Variants in PCDHGA2 observed in about 807,000 individuals in gnomAD.
PCDHGA2 encodes the protein protocadherin gamma-A2.
A neutral mutation model predicts 59.2 loss-of-function variants in PCDHGA2; 40 were observed. That is an observed-to-expected ratio of 0.68 (90% CI 0.52 to 0.88). The LOEUF (loss-of-function observed/expected upper bound fraction) is 0.88. PCDHGA2 is among the 40% of genes least tolerant of loss of function. The pLI is 0.00. For synonymous variants in PCDHGA2, 560 were observed against 526.0 expected, an observed-to-expected ratio of 1.06 and a Z score of -0.89; for missense variants, 1,226 against 1,204.0, an observed-to-expected ratio of 1.02 and a Z score of -0.27.
At chr5:141,351,150 T>G (rs781775496) in intron 1 of PCDHGA2, 3 of 1,614,020 alleles carry the variant, frequency 1.9e-6, no homozygotes, top group Non-Finnish European at 2.5e-6. Context: ...ACTGGCGACA[T>G]CACAACCAAT....
At position 141,356,713 on chromosome 5, in the gene PCDHGA2, G is replaced by A. The variant is rs746566965; in HGVS notation, c.2424+15318G>A. On this transcript the variant is annotated intron_variant, in intron 1 of 3. Transcript: ENST00000394576. ...CCAGGGTGCACCTCTGTCCTCCTAT[G>A]TCTCCATCAACTCCAATACAGGGAT... 3 of 1,613,846 alleles carry A rather than the reference G, an allele frequency of 1.9e-6. No individual in the cohort carries two copies. The African/African-American group carries it at 4.0e-5, about 22-fold the overall frequency.
chr5:141,411,868 A>AG (rs1463496640), intron 1 of PCDHGA2: 1 of 152,224 alleles, frequency 6.6e-6, no homozygotes, highest in East Asian at 1.9e-4. Flanking sequence ...TCAAAAAAAA[A>AG]AGACATTTCT....
chr5:141,431,408 G>T lies in PCDHGA2; in HGVS notation c.2425-63399G>T, dbSNP rs1270461546. On this transcript the variant is annotated intron_variant, in intron 1 of 3. Coordinates refer to ENST00000394576, the MANE Select transcript of PCDHGA2 (RefSeq NM_018915.4). The surrounding 1 kb of genome is among the most constrained non-coding windows in gnomAD (Gnocchi z 4.8). ...CCACCTGGTCCTTACGGCCTCCGAC[G>T]GGGGCGACCCGGTGCGCACAGGCAC... 4 of 1,613,600 alleles carry T rather than the reference G, an allele frequency of 2.5e-6. No individual in the cohort carries two copies. Among genetic ancestry groups the T allele is most frequent in the Non-Finnish European group, 3.4e-6 (4 of 1,180,038 alleles).
At chr5:141,352,289 C>G in intron 1 of PCDHGA2, 1 of 1,614,082 alleles carries the variant, frequency 6.2e-7, no homozygotes, top group Non-Finnish European at 8.5e-7. Context: ...CCGCCCTGAG[C>G]CCTCTGACCC....
At chr5:141,413,612 T>C (rs1282180585) in intron 1 of PCDHGA2, 1 of 1,613,696 alleles carries the variant, frequency 6.2e-7, no homozygotes, top group Non-Finnish European at 8.5e-7. Context: ...GACGTAAAAA[T>C]TAATGAAAAT....
chr5:141,388,212 G>C, intron 1 of PCDHGA2: 3 of 1,590,850 alleles, frequency 1.9e-6, no homozygotes, highest in Non-Finnish European at 2.6e-6. Flanking sequence ...TGAGGCTGTT[G>C]CTGAAAATCC....
At chr5:141,481,822 G>A (rs1017311512) in intron 1 of PCDHGA2, among the ~76,000 whole-genome samples, 12 of 151,620 alleles carry the variant, frequency 7.9e-5, no homozygotes, top group Non-Finnish European at 1.5e-4. Context: ...CGTGGTGGCT[G>A]AGGCAGGAGA....
chr5:141,361,727 C>T, intron 1 of PCDHGA2: 3 of 1,613,274 alleles, frequency 1.9e-6, no homozygotes, highest in Non-Finnish European at 2.5e-6. Context: ...TTCGAGCTCA[C>T]ACTGCAGGCC....
chr5:141,344,550 A>G, intron 1 of PCDHGA2: 1 of 1,614,028 alleles, frequency 6.2e-7, no homozygotes, highest in Non-Finnish European at 8.5e-7. Flanking sequence ...CTACAAGCTT[A>G]GCCCCAATGA....
At chr5:141,492,553 G>A (rs1184580300) in intron 1 of PCDHGA2, among the ~76,000 whole-genome samples, 1 of 152,148 alleles carries the variant, frequency 6.6e-6, no homozygotes, top group Non-Finnish European at 1.5e-5. Flanking sequence ...CGGGTCGCCT[G>A]GGGGGCGGCC....
chr5:141,375,608 T>G (rs1771640619), intron 1 of PCDHGA2: 1 of 1,614,000 alleles, frequency 6.2e-7, no homozygotes, highest in South Asian at 1.1e-5. Context: ...GTCCATCAAC[T>G]CCGACACTGG....
intron 1 of PCDHGA2, chr5:141,362,228 T>G: frequency 6.2e-7 from 1 of 1,614,028 alleles, no homozygotes; most frequent in Non-Finnish European, 8.5e-7. Context: ...GCCTTGGCCT[T>G]GATCTCAGTG....
intron 1 of PCDHGA2, among the ~76,000 whole-genome samples, chr5:141,397,821 T>C (rs1225096146): frequency 2.0e-5 from 3 of 152,238 alleles, no homozygotes; most frequent in African/African-American, 7.2e-5. Context: ...AAACAATTAC[T>C]GCACTGGTTA....
rs773601370 is a variant in PCDHGA2, at chr5:141,355,595, G to A, written c.2424+14200G>A. On this transcript the variant is annotated intron_variant, in intron 1 of 3. Transcript: ENST00000394576. Reference sequence around the variant, plus strand: ...ATCGATGTTAATGATAACCCACCCAGTTTTGGGACAGAACAGAGGGAAATA... The same window carrying A: ...ATCGATGTTAATGATAACCCACCCAATTTTGGGACAGAACAGAGGGAAATA... The A allele has an allele frequency of 2.2e-5, 35 of 1,613,884 alleles. No individual in the cohort carries two copies. Among genetic ancestry groups the A allele is most frequent in the Non-Finnish European group, 2.9e-5 (34 of 1,179,882 alleles).
intron 1 of PCDHGA2, chr5:141,478,582 G>T: frequency 1.3e-6 from 2 of 1,579,988 alleles, no homozygotes; most frequent in Non-Finnish European, 1.7e-6. Context: ...CCCTGTTAGT[G>T]CTTTTTTATT....
chr5:141,389,935 C>A, intron 1 of PCDHGA2: 1 of 1,614,084 alleles, frequency 6.2e-7, no homozygotes, highest in Non-Finnish European at 8.5e-7. Flanking sequence ...GACCTCCAGG[C>A]TGAGCTGCAG....
Position 141,432,201 on chromosome 5 carries a change from G to T in PCDHGA2, c.2425-62606G>T, listed in dbSNP as rs761075658. On this transcript the variant is annotated intron_variant, in intron 1 of 3. Transcript: ENST00000394576. This position sits in a 1 kb window ranked among gnomAD's most constrained non-coding sequence, Gnocchi z 6.0. ...TCTGTGACCGCCCACGACCCCGACT[G>T]TGAAGAGAACGCCCAGATCACTTAT... 1.8e-5 allele frequency: 29 copies of T among 1,614,092 alleles called. No homozygotes were observed. The South Asian group carries it at 2.9e-4, about 16-fold the overall frequency.
At chr5:141,475,840 A>T in intron 1 of PCDHGA2, 1 of 434,888 alleles carries the variant, frequency 2.3e-6, no homozygotes, top group Non-Finnish European at 4.1e-6. Flanking sequence ...TGTCCTGCTC[A>T]GAGAGCCCGG....
At chr5:141,383,956 A>T in intron 1 of PCDHGA2, 2 of 1,613,670 alleles carry the variant, frequency 1.2e-6, no homozygotes, top group South Asian at 1.1e-5. Flanking sequence ...GACGTCTTTA[A>T]GTAGCTCAAT....
Sources: gnomAD v4.1 joint callset for allele counts (sites outside exome capture counted in the v4.1 genomes callset) on GRCh38, gnomAD v4.1.1 for gene constraint, Gnocchi (gnomAD v3.1) non-coding constraint, MANE v1.5 for transcripts, NCBI Gene and HGNC (gene_info 2026-07-23, HGNC 2026-07-21) for gene names.